The following CDH12 variants were observed in gnomAD, a reference collection of about 807,000 sequenced individuals.
CDH12 encodes cadherin 12.
CDH12 carries 41 observed loss-of-function variants against 74.1 expected under a neutral mutation model. That is an observed-to-expected ratio of 0.55 (90% CI 0.43 to 0.72). The LOEUF is 0.72. Ranked by LOEUF, CDH12 falls within the 30% of genes least tolerant of loss-of-function variation. The pLI, the probability that CDH12 is intolerant of heterozygous loss-of-function variation, is 0.00. For synonymous variants in CDH12, 399 were observed against 355.0 expected (o/e 1.12, Z -1.39); for missense variants, 945 against 977.2 (o/e 0.97, Z 0.44).
At chr5:21,790,158 A>T (rs999799551) in intron 10 of CDH12, among the ~76,000 whole-genome samples, 1 of 152,106 alleles carries the variant, frequency 6.6e-6, no homozygotes, top group Non-Finnish European at 1.5e-5. Context: ...GTTTATAGTT[A>T]ATATTTGTAG....
intron 6 of CDH12, among the ~76,000 whole-genome samples, chr5:21,861,816 A>T (rs1264651418): frequency 6.6e-6 from 1 of 151,878 alleles, no homozygotes; most frequent in South Asian, 2.1e-4. Flanking sequence ...ATTTTCTAAC[A>T]TTCTCATCAG....
chr5:22,315,137 T>TTTTTTTTTTG, intron 3 of CDH12, among the ~76,000 whole-genome samples: 1 of 125,170 alleles, frequency 8.0e-6, no homozygotes, highest in Non-Finnish European at 1.7e-5. Context: ...TTTTTTTTTT[T>TTTTTTTTTTG]TTTTTTAGTA....
intron 4 of CDH12, among the ~76,000 whole-genome samples, chr5:22,183,536 A>G (rs986873108): frequency 1.1e-4 from 17 of 152,342 alleles, no homozygotes; most frequent in African/African-American, 4.1e-4. Context: ...GGTGGTAACC[A>G]GATAAGAAAG....
intron 1 of CDH12, among the ~76,000 whole-genome samples, chr5:22,737,106 C>T (rs934601369): frequency 6.6e-6 from 1 of 151,836 alleles, no homozygotes; most frequent in Non-Finnish European, 1.5e-5. Flanking sequence ...AAATCTGCTT[C>T]CTGTTATTTC....
chr5:22,142,397 A>C (rs1283676892), intron 4 of CDH12: 6 of 528,856 alleles, frequency 1.1e-5, no homozygotes, highest in Non-Finnish European at 1.8e-5. Context: ...ACCAAAGAAA[A>C]AACATAATTT....
intron 1 of CDH12, among the ~76,000 whole-genome samples, chr5:22,838,038 A>G (rs540463640): frequency 6.6e-6 from 1 of 152,160 alleles, no homozygotes; most frequent in Non-Finnish European, 1.5e-5. Context: ...AAAAATAACC[A>G]TTATTCTCCA....
At chr5:22,621,806 G>C (rs1040597501) in intron 1 of CDH12, among the ~76,000 whole-genome samples, 2 of 151,900 alleles carry the variant, frequency 1.3e-5, no homozygotes, top group African/African-American at 2.4e-5. Context: ...ATTATAAATT[G>C]TGAATGATTC....
chr5:22,743,267 T>TAC (rs1745119329), intron 1 of CDH12, among the ~76,000 whole-genome samples: 3 of 104,456 alleles, frequency 2.9e-5, no homozygotes, highest in Non-Finnish European at 6.0e-5. Context: ...AGATTATATA[T>TAC]ATATATATAT....
In CDH12 at chr5:21,842,323, T is replaced by C. The variant is rs531902264; in HGVS notation, c.652A>G (p.Ile218Val). 1 of 1,604,802 alleles carries C rather than the reference T, an allele frequency of 6.2e-7. No homozygotes were observed. The highest frequency in any genetic ancestry group is 2.2e-5 in the East Asian group (1 of 44,718). ...TCCATGTTTGGCAAAGCTGTTCTAA[T>C]AACACCTTAAGGGATAAAAGCAATA... ...YFSIDPKTGVIRTALPNMDRE... is the reference protein window; with the variant it reads ...YFSIDPKTGVVRTALPNMDRE... The change falls in exon 8 of 15, where the codon ATT becomes GTT. Residue 218 changes from isoleucine (I) to valine (V), a missense_variant. By Grantham distance (29) the Ile-to-Val change is conservative (BLOSUM62 3). Coordinates refer to ENST00000382254, the MANE Select transcript of CDH12 (RefSeq NM_004061.5).
chr5:22,460,784 G>T (rs1745477327), intron 2 of CDH12, among the ~76,000 whole-genome samples: 1 of 133,844 alleles, frequency 7.5e-6, no homozygotes, highest in Admixed American at 9.4e-5. Flanking sequence ...GTGATGGCAC[G>T]ATCTCGGCTC....
chr5:22,767,244 A>T (rs1245219590), intron 1 of CDH12, among the ~76,000 whole-genome samples: 2 of 151,990 alleles, frequency 1.3e-5, no homozygotes, highest in African/African-American at 4.8e-5. Flanking sequence ...ATGAAAACCC[A>T]GTTTTCTTTA....
chr5:22,220,754 T>C (rs939171737), intron 3 of CDH12, among the ~76,000 whole-genome samples: 1 of 151,788 alleles, frequency 6.6e-6, no homozygotes, highest in Non-Finnish European at 1.5e-5. Flanking sequence ...CTGACTTCAT[T>C]CAAGGTGCAT....
At chr5:22,205,277 T>C (rs1005194055) in intron 4 of CDH12, among the ~76,000 whole-genome samples, 6 of 152,222 alleles carry the variant, frequency 3.9e-5, no homozygotes, top group Admixed American at 2.6e-4. Flanking sequence ...AGGTACTGAG[T>C]TGCAGCTTTG....
At chr5:21,810,451 G>A (rs1561204179) in intron 9 of CDH12, among the ~76,000 whole-genome samples, 2 of 152,090 alleles carry the variant, frequency 1.3e-5, no homozygotes, top group East Asian at 3.9e-4. Context: ...AATAGGAATG[G>A]AAGCGGTGTT....
intron 6 of CDH12, among the ~76,000 whole-genome samples, chr5:21,888,851 T>C (rs1039250461): frequency 6.6e-6 from 1 of 152,048 alleles, no homozygotes. Context: ...TAAATGATTA[T>C]ACTAGTTTTT....
chr5:22,222,631 C>T (rs1257982119), intron 3 of CDH12, among the ~76,000 whole-genome samples: 2 of 151,556 alleles, frequency 1.3e-5, no homozygotes, highest in Non-Finnish European at 2.9e-5. Context: ...TATTAATAAA[C>T]ATTTCTTGAC....
At chr5:21,861,077 C>G (rs1173984307) in intron 6 of CDH12, among the ~76,000 whole-genome samples, 1 of 151,972 alleles carries the variant, frequency 6.6e-6, no homozygotes, top group Non-Finnish European at 1.5e-5. Context: ...AGGGAAACCT[C>G]AGGAATATCA....
Position 22,674,711 on chromosome 5 carries a change from C to G in CDH12, c.-522-169347G>C, listed in dbSNP as rs990423851. On this transcript the variant is annotated intron_variant, in intron 1 of 14. Transcript: ENST00000382254. ...CTGATAACGATATGGACAAAGAGTT[C>G]CAGGCTGAGGTGGTCTCAGATGGAG... Among the ~76,000 whole-genome samples the G allele has an allele frequency of 2.6e-5, 4 of 152,088 alleles. 1 individual carries two copies. In the South Asian group the frequency reaches 8.3e-4, roughly 32 times the overall value.
intron 5 of CDH12, among the ~76,000 whole-genome samples, chr5:22,013,051 C>A (rs1437672610): frequency 6.6e-6 from 1 of 150,444 alleles, no homozygotes; most frequent in East Asian, 1.9e-4. Context: ...CCAAATTATA[C>A]GGACATGTCA....
Sources: gnomAD v4.1 joint callset for allele counts (sites outside exome capture counted in the v4.1 genomes callset) on GRCh38, gnomAD v4.1.1 for gene constraint, MANE v1.5 for transcripts, NCBI Gene and HGNC (gene_info 2026-07-23, HGNC 2026-07-21) for gene names.